GALNT13: variants seen among roughly 807,000 people sequenced by gnomAD.
The protein encoded by GALNT13 is UDP-GalNAc:polypeptide N-acetylgalactosaminyltransferase 13.
Under a neutral mutation model 64.2 loss-of-function variants are expected in GALNT13, and 28 were observed. That is an observed-to-expected ratio of 0.44 (90% CI 0.32 to 0.60). The LOEUF is 0.60. Among genes scored for constraint, GALNT13 ranks in the 20% least tolerant of loss-of-function variants. The pLI, the probability that GALNT13 is intolerant of heterozygous loss-of-function variation, is 0.05. For synonymous variants in GALNT13, 214 were observed against 224.6 expected, an observed-to-expected ratio of 0.95 and a Z score of 0.42; for missense variants, 577 against 669.8, an observed-to-expected ratio of 0.86 and a Z score of 1.53.
the GALNT13 span, among the ~76,000 whole-genome samples, chr2:153,759,468 G>A: frequency 4.6e-5 from 7 of 152,052 alleles, no homozygotes; most frequent in East Asian, 1.4e-3. Flanking sequence ...ATTGTGTTGA[G>A]GTACATTCCT....
chr2:154,189,377 G>T (rs1686437367), intron 4 of GALNT13, among the ~76,000 whole-genome samples: 1 of 150,278 alleles, frequency 6.7e-6, no homozygotes, highest in Non-Finnish European at 1.5e-5. Flanking sequence ...AAGTAATTAG[G>T]TTATTAGGGC....
chr2:153,770,684 A>G, the GALNT13 span, among the ~76,000 whole-genome samples: 1 of 152,206 alleles, frequency 6.6e-6, no homozygotes, highest in African/African-American at 2.4e-5. Flanking sequence ...ACACATAGGT[A>G]TGTATACTTA....
the GALNT13 span, among the ~76,000 whole-genome samples, chr2:153,233,828 A>G: frequency 6.6e-6 from 1 of 152,174 alleles, no homozygotes; most frequent in Admixed American, 6.6e-5. Context: ...AGAAGCAGTC[A>G]ATGCCGTGTT....
intron 9 of GALNT13, among the ~76,000 whole-genome samples, chr2:154,318,054 C>G (rs1694418382): frequency 6.6e-6 from 1 of 151,998 alleles, no homozygotes; most frequent in Non-Finnish European, 1.5e-5. Flanking sequence ...AAAATACTAC[C>G]CAAAAAGAGG....
At chr2:154,120,426 A>C (rs1276120002) in intron 3 of GALNT13, among the ~76,000 whole-genome samples, 1 of 152,194 alleles carries the variant, frequency 6.6e-6, no homozygotes. Flanking sequence ...GTCTATGCTC[A>C]TTAGAACTGG....
chr2:154,371,524 G>C (rs972406577), intron 9 of GALNT13, among the ~76,000 whole-genome samples: 1 of 151,968 alleles, frequency 6.6e-6, no homozygotes, highest in Admixed American at 6.6e-5. Flanking sequence ...GAATTCATGA[G>C]GAAAATCCTA....
intron 1 of GALNT13, among the ~76,000 whole-genome samples, chr2:153,876,830 C>G (rs1686415737): frequency 6.6e-6 from 1 of 152,048 alleles, no homozygotes; most frequent in Non-Finnish European, 1.5e-5. Flanking sequence ...GTTATCACTG[C>G]AGAGATTGAT....
the GALNT13 span, among the ~76,000 whole-genome samples, chr2:153,727,106 A>G: frequency 6.6e-6 from 1 of 152,176 alleles, no homozygotes; most frequent in Non-Finnish European, 1.5e-5. Context: ...TAATTACTAT[A>G]TAATTTTCAG....
chr2:154,454,329 A>G (rs1317729533), downstream of GALNT13, among the ~76,000 whole-genome samples: 2 of 152,172 alleles, frequency 1.3e-5, no homozygotes, highest in Non-Finnish European at 2.9e-5. Flanking sequence ...CACTCAAAAA[A>G]TTATAGAAAT....
chr2:154,287,044 G>T, intron 8 of GALNT13: 1 of 665,924 alleles, frequency 1.5e-6, no homozygotes, highest in South Asian at 1.5e-5. Flanking sequence ...GCAGGTGAGT[G>T]ATGACCTTAC....
the GALNT13 span, among the ~76,000 whole-genome samples, chr2:153,782,689 C>T: frequency 6.6e-6 from 1 of 152,104 alleles, no homozygotes; most frequent in East Asian, 1.9e-4. Flanking sequence ...AAGACAATGG[C>T]CATCTACAAG....
At chr2:154,108,546 T>A (rs1490149658) in intron 3 of GALNT13, among the ~76,000 whole-genome samples, 1 of 152,156 alleles carries the variant, frequency 6.6e-6, no homozygotes, top group East Asian at 1.9e-4. Context: ...ATTTTCACAC[T>A]GTTAATTGTC....
At chr2:153,976,450 T>A (rs1004345690) in intron 3 of GALNT13, among the ~76,000 whole-genome samples, 1 of 152,140 alleles carries the variant, frequency 6.6e-6, no homozygotes, top group African/African-American at 2.4e-5. Context: ...TCAAGCCTTA[T>A]AATAAAATCT....
intron 9 of GALNT13, among the ~76,000 whole-genome samples, chr2:154,386,044 A>G (rs1404946918): frequency 1.3e-5 from 2 of 152,020 alleles, no homozygotes; most frequent in Non-Finnish European, 2.9e-5. Flanking sequence ...GTACAATAAC[A>G]AGTTTGGTGT....
At chr2:154,272,630 C>A (rs1447440549) in intron 8 of GALNT13, among the ~76,000 whole-genome samples, 1 of 152,050 alleles carries the variant, frequency 6.6e-6, no homozygotes, top group Non-Finnish European at 1.5e-5. Flanking sequence ...ATTGAACAGA[C>A]AAGTTTCATA....
At chr2:153,619,937 T>A in the GALNT13 span, among the ~76,000 whole-genome samples, 2 of 152,118 alleles carry the variant, frequency 1.3e-5, no homozygotes, top group Non-Finnish European at 2.9e-5. Flanking sequence ...TTTCTTTGGG[T>A]TAAATCTGCT....
intron 8 of GALNT13, among the ~76,000 whole-genome samples, chr2:154,271,043 A>T (rs149908412): frequency 6.6e-6 from 1 of 152,038 alleles, no homozygotes; most frequent in African/African-American, 2.4e-5. Context: ...CATACACAAG[A>T]TGCAGGGATG....
intron 3 of GALNT13, among the ~76,000 whole-genome samples, chr2:154,102,774 T>TTAAG: frequency 6.6e-6 from 1 of 152,328 alleles, no homozygotes; most frequent in East Asian, 1.9e-4. Flanking sequence ...GTCTCTTTTC[T>TTAAG]TAAGTTTCGT....
At chr2:153,124,919 T>C in the GALNT13 span, among the ~76,000 whole-genome samples, 19 of 152,362 alleles carry the variant, frequency 1.2e-4, no homozygotes, top group East Asian at 5.8e-4. Flanking sequence ...TTTCATGGTG[T>C]CTCAGTTAGA....
Sources: gnomAD v4.1 joint callset for allele counts (sites outside exome capture counted in the v4.1 genomes callset) on GRCh38, gnomAD v4.1.1 for gene constraint, MANE v1.5 for transcripts, NCBI Gene and HGNC (gene_info 2026-07-23, HGNC 2026-07-21) for gene names.